The following GPR45 variants were observed in gnomAD, a reference collection of about 807,000 sequenced individuals.
The protein encoded by GPR45 is G protein-coupled receptor 45.
GPR45 carries 7 observed loss-of-function variants against 5.9 expected under a neutral mutation model. That is an observed-to-expected ratio of 1.19 (90% confidence interval 0.68 to 2.23). The LOEUF (loss-of-function observed/expected upper bound fraction) is 2.23, where lower values mean the gene tolerates loss of function less well. Ranked by LOEUF, GPR45 falls within the 30% of genes most tolerant of loss-of-function variation. GPR45 has a pLI of 0.00. For synonymous variants in GPR45, 220 were observed against 226.3 expected, an observed-to-expected ratio of 0.97 and a Z score of 0.25; for missense variants, 440 against 496.9, an observed-to-expected ratio of 0.89 and a Z score of 1.09.
Position 105,242,180 on chromosome 2 carries a change from C to G in GPR45, c.322C>G (p.Arg108Gly). 6.2e-7 allele frequency: 1 copy of G among 1,614,142 alleles called. No homozygotes were observed. The highest frequency in any genetic ancestry group is 8.5e-7 in the Non-Finnish European group (1 of 1,180,036). The change falls in exon 1 of 1, where the codon CGC becomes GGC. Residue 108 changes from arginine (R) to glycine (G), a missense_variant. Physicochemically the swap from Arg to Gly is moderately radical, Grantham distance 125. Coordinates refer to ENST00000258456, the MANE Select transcript of GPR45 (RefSeq NM_007227.3). The surrounding 1 kb of genome is among the most constrained non-coding windows in gnomAD (Gnocchi z 4.8). ...CTGGCACTTTGGGGACCACTTCTGCCGCCTCTCAGCCACGCTCTACTGGTT... is the reference window on the plus strand; with the variant it reads ...CTGGCACTTTGGGGACCACTTCTGCGGCCTCTCAGCCACGCTCTACTGGTT... ...VRWHFGDHFCRLSATLYWFFV... is the reference protein window; with the variant it reads ...VRWHFGDHFCGLSATLYWFFV...
At position 105,242,741 on chromosome 2, in the gene GPR45, C is replaced by A. The variant is rs1447888691; in HGVS notation, c.883C>A (p.Arg295Ser). The change falls in exon 1 of 1, where the codon CGC (arginine) becomes AGC (serine). Residue 295 changes from arginine (R) to serine (S), a missense_variant. Arg to Ser is a moderately radical substitution (Grantham distance 110, BLOSUM62 -1). Transcript: ENST00000258456. This position sits in a 1 kb window ranked among gnomAD's most constrained non-coding sequence, Gnocchi z 4.8. ...CAGCCTCCTGTCTGTGTTTAGCCAG[C>A]GCTTTTACTGCGGTTCCTCCTTCTA... Reference protein sequence around the residue: ...VYSLLSVFSQRFYCGSSFYAT... With the variant: ...VYSLLSVFSQSFYCGSSFYAT... 5.6e-6 allele frequency: 9 copies of A among 1,613,772 alleles called. No homozygotes were observed. Among genetic ancestry groups the A allele is most frequent in the Non-Finnish European group, 7.6e-6 (9 of 1,179,732 alleles).
chr2:105,242,953 C>A lies in GPR45; in HGVS notation c.1095C>A (p.Cys365Ter). 6.2e-7 allele frequency: 1 copy of A among 1,613,750 alleles called. No homozygotes were observed. Among genetic ancestry groups the A allele is most frequent in the Non-Finnish European group, 8.5e-7 (1 of 1,179,768 alleles). The change falls in exon 1 of 1, where the codon TGC (cysteine) becomes TGA (stop). Residue 365 changes from cysteine (C) to a stop codon, truncating the protein, a stop_gained. Transcript: ENST00000258456. LOFTEE classifies it high-confidence loss of function. This position sits in a 1 kb window ranked among gnomAD's most constrained non-coding sequence, Gnocchi z 4.8. ...RRIQPSTVYVCNENQSAV is the reference protein window; with the variant it reads ...RRIQPSTVYV Reference sequence around the variant, plus strand: ...TCCAGCCAAGCACAGTCTACGTGTGCAATGAAAACCAGTCTGCGGTTTAGG... The same window carrying A: ...TCCAGCCAAGCACAGTCTACGTGTGAAATGAAAACCAGTCTGCGGTTTAGG...
At position 105,242,962 on chromosome 2, in the gene GPR45, C is replaced by T. The variant is rs554656344; in HGVS notation, c.1104C>T (p.Asn368=). 166 of 1,613,572 alleles carry T rather than the reference C, an allele frequency of 1.0e-4. 4 individuals carry two copies. In the South Asian group the frequency reaches 1.8e-3, roughly 17 times the overall value. ...GCACAGTCTACGTGTGCAATGAAAA[C>T]CAGTCTGCGGTTTAGGGGGTCAGGG... ...QPSTVYVCNE[N]QSAV Residue 368 remains asparagine (N), a synonymous_variant, in exon 1 of 1, where the codon AAC becomes AAT. Coordinates refer to ENST00000258456, the MANE Select transcript of GPR45 (RefSeq NM_007227.3). The surrounding 1 kb of genome is among the most constrained non-coding windows in gnomAD (Gnocchi z 4.8).
chr2:105,241,897 C>T lies in GPR45; in HGVS notation c.39C>T (p.Tyr13=). 2 of 1,592,358 alleles carry T rather than the reference C, an allele frequency of 1.3e-6. No homozygotes were observed. The highest frequency in any genetic ancestry group is 2.3e-5 in the South Asian group (2 of 86,692). The stretch of plus-strand genomic sequence containing the variant: ...GCACGTCCCTTGAGGCTTACACATA[C>T]CTGCTGCTGAACACCAGCAACGCCT... ...CNSTSLEAYT[Y]LLLNTSNASD... The change falls in exon 1 of 1, where the codon TAC becomes TAT. Residue 13 remains tyrosine, a synonymous_variant. Transcript: ENST00000258456.
In GPR45 at chr2:105,243,055, G is replaced by A. The variant is rs1465542121; in HGVS notation, c.*78G>A. 1.3e-6 allele frequency: 2 copies of A among 1,512,434 alleles called. No homozygotes were observed. The highest frequency in any genetic ancestry group is 1.8e-6 in the Non-Finnish European group (2 of 1,122,198). 93.7% of individuals were successfully genotyped at this position (1,512,434 alleles called of 1,614,324 possible). Reference sequence around the variant, plus strand: ...TCTGTCCTGCTCTGTTCCCTGGCATGTTGGTCATAGTCTGCACTTTGTGGT... The same window carrying A: ...TCTGTCCTGCTCTGTTCCCTGGCATATTGGTCATAGTCTGCACTTTGTGGT... On this transcript the variant is annotated 3_prime_UTR_variant, in exon 1 of 1. Coordinates refer to ENST00000258456, the MANE Select transcript of GPR45 (RefSeq NM_007227.3).
Position 105,242,419 on chromosome 2 carries a change from G to A in GPR45, c.561G>A (p.Thr187=), listed in dbSNP as rs759625691. The stretch of plus-strand genomic sequence containing the variant: ...CCCCACAGTGCGTGCTGGGCTACAC[G>A]GAGCTCCCCGCTGACCGCGCCTACG... ...ARAPQCVLGY[T]ELPADRAYVV... The change falls in exon 1 of 1, where the codon ACG becomes ACA. Residue 187 remains threonine, a synonymous_variant. Transcript: ENST00000258456. This position sits in a 1 kb window ranked among gnomAD's most constrained non-coding sequence, Gnocchi z 4.8. 4 of 1,611,018 alleles carry A rather than the reference G, an allele frequency of 2.5e-6. No individual in the cohort carries two copies. The highest frequency in any genetic ancestry group is 1.1e-5 in the South Asian group (1 of 91,068).
In GPR45 at chr2:105,242,297, A is replaced by G. The variant is rs758004590; in HGVS notation, c.439A>G (p.Arg147Gly). ...VQRQDKLNPRRAKVIIAVSWV... is the reference protein window; with the variant it reads ...VQRQDKLNPRGAKVIIAVSWV... The stretch of plus-strand genomic sequence containing the variant: ...GCGCCAGGACAAGCTGAACCCGCGC[A>G]GGGCCAAGGTGATCATCGCGGTCTC... Residue 147 changes from arginine (R) to glycine (G), a missense_variant, in exon 1 of 1, where the codon AGG becomes GGG. Physicochemically the swap from Arg to Gly is moderately radical, Grantham distance 125 (BLOSUM62 -2). Transcript: ENST00000258456. This position sits in a 1 kb window ranked among gnomAD's most constrained non-coding sequence, Gnocchi z 4.8. The G allele has an allele frequency of 6.2e-7, 1 of 1,614,108 alleles. No homozygotes were observed. The highest frequency in any genetic ancestry group is 2.2e-5 in the East Asian group (1 of 44,870).
chr2:105,241,950 C>T lies in GPR45; in HGVS notation c.92C>T (p.Ala31Val). 6.2e-7 allele frequency: 1 copy of T among 1,613,100 alleles called. No homozygotes were observed. Among genetic ancestry groups the T allele is most frequent in the Non-Finnish European group, 8.5e-7 (1 of 1,179,228 alleles). ...ASDSGSTQLP[A>V]PLRISLAIVM... ...GACTCGGGGTCCACCCAGTTGCCCG[C>T]ACCCCTCAGGATCTCCTTGGCCATA... Residue 31 changes from alanine to valine, a missense_variant, in exon 1 of 1, where the codon GCA (alanine) becomes GTA (valine). Transcript: ENST00000258456.
At position 105,242,794 on chromosome 2, in the gene GPR45, C is replaced by T; in HGVS notation, c.936C>T (p.Leu312=). Residue 312 remains leucine, a synonymous_variant, in exon 1 of 1, where the codon CTC becomes CTT. Coordinates refer to ENST00000258456, the MANE Select transcript of GPR45 (RefSeq NM_007227.3). The surrounding 1 kb of genome is among the most constrained non-coding windows in gnomAD (Gnocchi z 4.8). ...CCACCAGCACCTGCGTCCTGTGGCTCAGTTACCTCAAGTCCGTCTTCAACC... is the reference window on the plus strand; with the variant it reads ...CCACCAGCACCTGCGTCCTGTGGCTTAGTTACCTCAAGTCCGTCTTCAACC... ...FYATSTCVLW[L]SYLKSVFNPI... is the part of the protein sequence containing the mutation. The T allele has an allele frequency of 6.2e-7, 1 of 1,614,250 alleles. No individual in the cohort carries two copies. Among genetic ancestry groups the T allele is most frequent in the Non-Finnish European group, 8.5e-7 (1 of 1,180,052 alleles).
Position 105,241,952 on chromosome 2 carries a change from C to T in GPR45, c.94C>T (p.Pro32Ser), listed in dbSNP as rs983351931. ...SDSGSTQLPA[P>S]LRISLAIVML... ...CTCGGGGTCCACCCAGTTGCCCGCA[C>T]CCCTCAGGATCTCCTTGGCCATAGT... is the stretch of plus-strand genomic sequence containing the variant. Residue 32 changes from proline (P) to serine (S), a missense_variant, in exon 1 of 1, where the codon CCC becomes TCC. Physicochemically the swap from Pro to Ser is moderately conservative, Grantham distance 74. Coordinates refer to ENST00000258456, the MANE Select transcript of GPR45 (RefSeq NM_007227.3). The T allele has an allele frequency of 1.2e-6, 2 of 1,613,190 alleles. No individual in the cohort carries two copies. The highest frequency in any genetic ancestry group is 1.7e-4 in the Middle Eastern group (1 of 6,060).
chr2:105,242,180 C>A lies in GPR45; in HGVS notation c.322C>A (p.Arg108Ser). Residue 108 changes from arginine to serine, a missense_variant, in exon 1 of 1, where the codon CGC becomes AGC. Arg to Ser is a moderately radical substitution (Grantham distance 110). Transcript: ENST00000258456. The surrounding 1 kb of genome is among the most constrained non-coding windows in gnomAD (Gnocchi z 4.8). ...CTGGCACTTTGGGGACCACTTCTGC[C>A]GCCTCTCAGCCACGCTCTACTGGTT... ...VRWHFGDHFC[R>S]LSATLYWFFV... The A allele has an allele frequency of 6.2e-7, 1 of 1,614,142 alleles. No homozygotes were observed. The highest frequency in any genetic ancestry group is 8.5e-7 in the Non-Finnish European group (1 of 1,180,036).
chr2:105,243,049 T>C lies in GPR45; in HGVS notation c.*72T>C, dbSNP rs553584612. The C allele has an allele frequency of 3.3e-6, 5 of 1,522,712 alleles. No individual in the cohort carries two copies. The highest frequency in any genetic ancestry group is 1.4e-5 in the African/African-American group (1 of 72,384). 94.3% of individuals were successfully genotyped at this position (1,522,712 alleles called of 1,614,324 possible). The stretch of plus-strand genomic sequence containing the variant: ...GGTGGATCTGTCCTGCTCTGTTCCC[T>C]GGCATGTTGGTCATAGTCTGCACTT... On this transcript the variant is annotated 3_prime_UTR_variant, in exon 1 of 1. Coordinates refer to ENST00000258456, the MANE Select transcript of GPR45 (RefSeq NM_007227.3).
Position 105,243,088 on chromosome 2 carries a change from T to A in GPR45, c.*111T>A. On this transcript the variant is annotated 3_prime_UTR_variant, in exon 1 of 1. Transcript: ENST00000258456. ...TAGTCTGCACTTTGTGGTGGCAATT[T>A]AAGCACAAAGGTACTCATTTGTAAT... The A allele has an allele frequency of 7.4e-7, 1 of 1,359,590 alleles. No homozygotes were observed. Among genetic ancestry groups the A allele is most frequent in the Non-Finnish European group, 1.0e-6 (1 of 1,000,726 alleles). The allele number at this position is 1,359,590 out of a possible 1,614,324, so 84.2% of individuals were successfully genotyped here.
Position 105,243,349 on chromosome 2 carries a change from C to T in GPR45, c.*372C>T, listed in dbSNP as rs191782653. Among the ~76,000 whole-genome samples the T allele has an allele frequency of 1.2e-4, 19 of 152,156 alleles. No individual in the cohort carries two copies. In the East Asian group the frequency reaches 2.9e-3, roughly 23 times the overall value. ...GTCACAAGAGCTTCAACCTGCCCTG[C>T]GAGCCCTCTCTGCACCTGCTCAAGA... On this transcript the variant is annotated 3_prime_UTR_variant, in exon 1 of 1. Transcript: ENST00000258456.
rs752343423 is a variant in GPR45, at chr2:105,242,296, C to G, written c.438C>G (p.Arg146=). Residue 146 remains arginine (R), a synonymous_variant, in exon 1 of 1, where the codon CGC becomes CGG. Coordinates refer to ENST00000258456, the MANE Select transcript of GPR45 (RefSeq NM_007227.3). The surrounding 1 kb of genome is among the most constrained non-coding windows in gnomAD (Gnocchi z 4.8). ...IVQRQDKLNP[R]RAKVIIAVSW... ...AGCGCCAGGACAAGCTGAACCCGCG[C>G]AGGGCCAAGGTGATCATCGCGGTCT... is the stretch of plus-strand genomic sequence containing the variant. 3 of 1,614,034 alleles carry G rather than the reference C, an allele frequency of 1.9e-6. No homozygotes were observed. Among genetic ancestry groups the G allele is most frequent in the Non-Finnish European group, 1.7e-6 (2 of 1,180,042 alleles).
At position 105,242,054 on chromosome 2, in the gene GPR45, C is replaced by T. The variant is rs201195065; in HGVS notation, c.196C>T (p.Arg66Cys). 1 of 1,614,158 alleles carries T rather than the reference C, an allele frequency of 6.2e-7. No individual in the cohort carries two copies. Among genetic ancestry groups the T allele is most frequent in the Non-Finnish European group, 8.5e-7 (1 of 1,180,002 alleles). ...CATCGTGTACCAGAGGCCGGCTATGCGCTCGGCCATCAACCTGCTGCTGGC... is the reference window on the plus strand; with the variant it reads ...CATCGTGTACCAGAGGCCGGCTATGTGCTCGGCCATCAACCTGCTGCTGGC... ...CIIVYQRPAM[R>C]SAINLLLATL... is the part of the protein sequence containing the mutation. Residue 66 changes from arginine to cysteine, a missense_variant, in exon 1 of 1, where the codon CGC becomes TGC. By Grantham distance (180) the Arg-to-Cys change is radical. Coordinates refer to ENST00000258456, the MANE Select transcript of GPR45 (RefSeq NM_007227.3). This position sits in a 1 kb window ranked among gnomAD's most constrained non-coding sequence, Gnocchi z 4.8.
chr2:105,243,099 G>A lies in GPR45; in HGVS notation c.*122G>A, dbSNP rs1436764154. 2 of 1,259,284 alleles carry A rather than the reference G, an allele frequency of 1.6e-6. No individual in the cohort carries two copies. The highest frequency in any genetic ancestry group is 1.6e-5 in the South Asian group (1 of 62,870). 78.0% of individuals were successfully genotyped at this position (1,259,284 alleles called of 1,614,324 possible). On this transcript the variant is annotated 3_prime_UTR_variant, in exon 1 of 1. Coordinates refer to ENST00000258456, the MANE Select transcript of GPR45 (RefSeq NM_007227.3). The stretch of plus-strand genomic sequence containing the variant: ...TTGTGGTGGCAATTTAAGCACAAAG[G>A]TACTCATTTGTAATCAGATGAGCTG...
chr2:105,242,644 G>C lies in GPR45; in HGVS notation c.786G>C (p.Lys262Asn), dbSNP rs1676373989. The change falls in exon 1 of 1, where the codon AAG becomes AAC. Residue 262 changes from lysine (K) to asparagine (N), a missense_variant. By Grantham distance (94) the Lys-to-Asn change is moderately conservative. Transcript: ENST00000258456. This position sits in a 1 kb window ranked among gnomAD's most constrained non-coding sequence, Gnocchi z 4.8. ...QQQVSVDLSF[K>N]TKAFTTILIL... ...AGGTCAGCGTGGACTTGAGCTTCAA[G>C]ACCAAGGCCTTCACCACCATCCTGA... The C allele has an allele frequency of 1.9e-6, 3 of 1,600,718 alleles. No individual in the cohort carries two copies. The highest frequency in any genetic ancestry group is 1.3e-5 in the African/African-American group (1 of 74,720).
At position 105,241,895 on chromosome 2, in the gene GPR45, T is replaced by C. The variant is rs372207201; in HGVS notation, c.37T>C (p.Tyr13His). ...CNSTSLEAYT[Y>H]LLLNTSNASD... ...CAGCACGTCCCTTGAGGCTTACACA[T>C]ACCTGCTGCTGAACACCAGCAACGC... The change falls in exon 1 of 1, where the codon TAC becomes CAC. Residue 13 changes from tyrosine (Y) to histidine (H), a missense_variant. Physicochemically the swap from Tyr to His is moderately conservative, Grantham distance 83. Transcript: ENST00000258456. 64 of 1,591,416 alleles carry C rather than the reference T, an allele frequency of 4.0e-5. No individual in the cohort carries two copies. The highest frequency in any genetic ancestry group is 4.5e-5 in the Non-Finnish European group (53 of 1,167,206).
Sources: allele counts gnomAD v4.1 joint callset (sites outside exome capture counted in the v4.1 genomes callset), GRCh38; gene constraint gnomAD v4.1.1; non-coding constraint Gnocchi (gnomAD v3.1); transcripts MANE v1.5; gene names NCBI Gene and HGNC (gene_info 2026-07-23, HGNC 2026-07-21).